The following FOXN3 variants were observed in gnomAD, a reference collection of about 807,000 sequenced individuals.
The protein encoded by FOXN3 is forkhead box N3.
In FOXN3, 7 loss-of-function variants were observed where a neutral mutation model predicts 38.4. That is an observed-to-expected ratio of 0.18 (90% CI 0.10 to 0.34). FOXN3 has a LOEUF of 0.34. Ranked by LOEUF, FOXN3 falls within the 10% of genes least tolerant of loss-of-function variation. FOXN3 has a pLI of 1.00. For missense variants in FOXN3, 456 were observed against 613.4 expected (o/e 0.74, Z 2.71); for synonymous variants, 230 against 242.2 (o/e 0.95, Z 0.47).
At chr14:89,547,099 T>C (rs1328614253) in intron 1 of FOXN3, among the ~76,000 whole-genome samples, 1 of 152,160 alleles carries the variant, frequency 6.6e-6, no homozygotes, top group African/African-American at 2.4e-5. Flanking sequence ...ACTAGGTAAT[T>C]TATAAAGAAC....
chr14:89,463,333 T>A (rs906268524), intron 1 of FOXN3, among the ~76,000 whole-genome samples: 1 of 151,898 alleles, frequency 6.6e-6, no homozygotes, highest in African/African-American at 2.4e-5. Flanking sequence ...AATGCATTCA[T>A]GACAGCAGAC....
chr14:89,429,349 G>A (rs1459087839), intron 1 of FOXN3, among the ~76,000 whole-genome samples: 5 of 152,124 alleles, frequency 3.3e-5, no homozygotes, highest in Non-Finnish European at 5.9e-5. Context: ...GACATCCTCG[G>A]TCTAAAACGC....
chr14:89,516,819 T>G (rs1894215003), intron 1 of FOXN3, among the ~76,000 whole-genome samples: 1 of 152,146 alleles, frequency 6.6e-6, no homozygotes. Context: ...CACCTTGGCC[T>G]TCCAAAGTGT....
intron 4 of FOXN3, among the ~76,000 whole-genome samples, chr14:89,265,626 G>C (rs1885953209): frequency 6.6e-6 from 1 of 152,170 alleles, no homozygotes; most frequent in Non-Finnish European, 1.5e-5. Flanking sequence ...AGAGGGAAAA[G>C]GAACTGTCCA....
chr14:89,417,710 A>G (rs1486404568), upstream of FOXN3: 2 of 455,848 alleles, frequency 4.4e-6, no homozygotes, highest in African/African-American at 4.0e-5. Context: ...TGAGAAGAGG[A>G]GATTCCACGT....
chr14:89,573,867 A>C (rs925845931), intron 1 of FOXN3, among the ~76,000 whole-genome samples: 2 of 152,050 alleles, frequency 1.3e-5, no homozygotes, highest in African/African-American at 4.8e-5. Flanking sequence ...CCCTGTCTCT[A>C]TTTTAATAAA....
intron 1 of FOXN3, among the ~76,000 whole-genome samples, chr14:89,600,745 A>G (rs914865282): frequency 3.3e-5 from 5 of 152,100 alleles, no homozygotes; most frequent in Non-Finnish European, 7.4e-5. Flanking sequence ...CCTGGACCCT[A>G]TATACTATTA....
chr14:89,593,139 G>A (rs1227886534), intron 1 of FOXN3, among the ~76,000 whole-genome samples: 4 of 135,000 alleles, frequency 3.0e-5, no homozygotes, highest in Non-Finnish European at 4.6e-5. Flanking sequence ...GGGAAGGAGG[G>A]AGGGAGGGAG....
chr14:89,323,677 C>T (rs1222050720), intron 3 of FOXN3, among the ~76,000 whole-genome samples: 1 of 152,030 alleles, frequency 6.6e-6, no homozygotes, highest in African/African-American at 2.4e-5. Context: ...CAAGATCACG[C>T]CACTGCACTC....
intron 1 of FOXN3, among the ~76,000 whole-genome samples, chr14:89,536,400 A>G (rs1894687866): frequency 6.6e-6 from 1 of 152,246 alleles, no homozygotes; most frequent in African/African-American, 2.4e-5. Context: ...CATTTCACAG[A>G]TAAATGCAAC....
chr14:89,308,065 G>A (rs1321952392), intron 3 of FOXN3, among the ~76,000 whole-genome samples: 1 of 152,170 alleles, frequency 6.6e-6, no homozygotes, highest in East Asian at 1.9e-4. Context: ...AGGAGTTCAA[G>A]ACCAGCCTGG....
intron 1 of FOXN3, among the ~76,000 whole-genome samples, chr14:89,424,038 T>G (rs80209864): frequency 1.3e-5 from 2 of 152,320 alleles, no homozygotes; most frequent in African/African-American, 4.8e-5. Context: ...ATGTATTGAA[T>G]AAATTAACTG....
At chr14:89,318,047 C>T (rs1887776449) in intron 3 of FOXN3, among the ~76,000 whole-genome samples, 1 of 151,558 alleles carries the variant, frequency 6.6e-6, no homozygotes, top group Non-Finnish European at 1.5e-5. Flanking sequence ...TTGGGGACTG[C>T]TATATTAGGG....
intron 4 of FOXN3, among the ~76,000 whole-genome samples, chr14:89,234,991 C>T (rs536767599): frequency 3.9e-5 from 6 of 152,302 alleles, no homozygotes; most frequent in Non-Finnish European, 8.8e-5. Context: ...CTGCCTCTGA[C>T]CTTTCCTGGC....
intron 5 of FOXN3, among the ~76,000 whole-genome samples, chr14:89,178,173 ATTT>A (rs777561153): frequency 7.5e-6 from 1 of 132,992 alleles, no homozygotes. Flanking sequence ...TGCCCAGGTC[ATTT>A]TTTTTTTTTT....
At chr14:89,362,917 T>C (rs1326078321) in intron 2 of FOXN3, among the ~76,000 whole-genome samples, 1 of 151,886 alleles carries the variant, frequency 6.6e-6, no homozygotes, top group Middle Eastern at 3.2e-3. Context: ...TTGAAGCAGG[T>C]CCCTGAACAC....
upstream of FOXN3, among the ~76,000 whole-genome samples, chr14:89,421,145 C>CTTTTTTTTTTTTTT (rs570024684): frequency 9.2e-6 from 1 of 108,182 alleles, no homozygotes; most frequent in African/African-American, 3.6e-5. Context: ...TTCTTTCTTT[C>CTTTTTTTTTTTTTT]TTTTTTTTTT....
intron 4 of FOXN3, among the ~76,000 whole-genome samples, chr14:89,205,923 G>A (rs1361040922): frequency 6.6e-6 from 1 of 152,224 alleles, no homozygotes; most frequent in African/African-American, 2.4e-5. Context: ...CCCTGGGAGC[G>A]GGTTAAGGGA....
intron 2 of FOXN3, among the ~76,000 whole-genome samples, chr14:89,387,138 C>G (rs1890811847): frequency 6.6e-6 from 1 of 152,150 alleles, no homozygotes; most frequent in Non-Finnish European, 1.5e-5. Flanking sequence ...TACCTGTAGT[C>G]TCAGCTACTC....
Sources: allele counts gnomAD v4.1 joint callset (sites outside exome capture counted in the v4.1 genomes callset), GRCh38; gene constraint gnomAD v4.1.1; transcripts MANE v1.5; gene names NCBI Gene and HGNC (gene_info 2026-07-23, HGNC 2026-07-21).